The following SIK3 variants were observed in gnomAD, a reference collection of about 807,000 sequenced individuals.
The protein encoded by SIK3 is serine/threonine-protein kinase SIK3.
SIK3 carries 28 observed loss-of-function variants against 144.2 expected under a neutral mutation model. The ratio of observed to expected loss-of-function variants is 0.19; its 90% CI spans 0.14 to 0.27. SIK3 has a LOEUF of 0.27. SIK3 is among the 10% of genes least tolerant of loss of function. SIK3 has a pLI of 1.00. For missense variants in SIK3, 1,319 were observed against 1,776.0 expected (o/e 0.74, Z 4.62); for synonymous variants, 686 against 676.3 (o/e 1.01, Z -0.22).
Position 116,897,327 on chromosome 11 carries a change from C to T in SIK3, c.617-10G>A. The T allele has an allele frequency of 6.2e-7, 1 of 1,611,790 alleles. No homozygotes were observed. Among genetic ancestry groups the T allele is most frequent in the Non-Finnish European group, 8.5e-7 (1 of 1,178,716 alleles). ...TTACTGAAACCAAAATCTAGAAAGGCAAATGGACATAATTCGTATTATTGT... is the reference window on the plus strand; with the variant it reads ...TTACTGAAACCAAAATCTAGAAAGGTAAATGGACATAATTCGTATTATTGT... On this transcript the variant is annotated splice_polypyrimidine_tract_variant and intron_variant, in intron 4 of 24. Transcript: ENST00000445177.
At position 116,927,951 on chromosome 11, in the gene SIK3, T is replaced by TG. The variant is rs540483095; in HGVS notation, c.455-572dup. Reference sequence around the variant, plus strand: ...CTTACTCGGTAACTGTTCTCTGGAGTGCATAGCGATATACCTACATCTTTA... The same window carrying TG: ...CTTACTCGGTAACTGTTCTCTGGAGTGGCATAGCGATATACCTACATCTTTA... On this transcript the variant is annotated intron_variant, in intron 3 of 24. Transcript: ENST00000445177. Among the ~76,000 whole-genome samples, 21 of 152,344 alleles carry TG rather than the reference T, an allele frequency of 1.4e-4. No homozygotes were observed. In the East Asian group the frequency reaches 3.7e-3, roughly 27 times the overall value.
chr11:116,847,946 A>G (rs1942117008), intron 22 of SIK3, among the ~76,000 whole-genome samples: 1 of 152,032 alleles, frequency 6.6e-6, no homozygotes. Context: ...GTCCAGTCAC[A>G]CTCTGCAGTG....
intron 1 of SIK3, among the ~76,000 whole-genome samples, chr11:116,979,118 A>ATGAC (rs746755703): frequency 9.8e-5 from 15 of 152,308 alleles, no homozygotes; most frequent in East Asian, 5.8e-4. Flanking sequence ...ACCTAACAGT[A>ATGAC]TGACTGCTCC....
At chr11:117,077,942 G>A (rs1954622049) in intron 1 of SIK3, among the ~76,000 whole-genome samples, 1 of 152,210 alleles carries the variant, frequency 6.6e-6, no homozygotes, top group African/African-American at 2.4e-5. Flanking sequence ...TCCACGGTTA[G>A]GCTTTTTCAG....
chr11:116,957,847 A>G (rs184325213), intron 1 of SIK3, among the ~76,000 whole-genome samples: 93 of 152,348 alleles, frequency 6.1e-4, no homozygotes, highest in African/African-American at 2.1e-3. Flanking sequence ...TAAGAATGTT[A>G]TAAGAATCTG....
intron 4 of SIK3, among the ~76,000 whole-genome samples, chr11:116,901,881 T>G (rs1326843743): frequency 1.3e-5 from 2 of 152,176 alleles, no homozygotes; most frequent in African/African-American, 4.8e-5. Flanking sequence ...CTATTAAGAT[T>G]TTTTTCTTAG....
chr11:117,087,269 C>T (rs1448779344), intron 1 of SIK3, among the ~76,000 whole-genome samples: 1 of 151,800 alleles, frequency 6.6e-6, no homozygotes, highest in Non-Finnish European at 1.5e-5. Flanking sequence ...CATGGTGAAA[C>T]CCATCTCTAC....
At chr11:117,063,848 G>A (rs917885716) in intron 1 of SIK3, among the ~76,000 whole-genome samples, 1 of 151,944 alleles carries the variant, frequency 6.6e-6, no homozygotes, top group Non-Finnish European at 1.5e-5. Flanking sequence ...TTACAGGCAT[G>A]AGCCACCACG....
rs548891642 is a variant in SIK3, at chr11:116,947,937, CT to C, written c.454+6106del. ...AATTTGTCCATTTCATCTAAGCTGA[CT>C]TTTTTTTTTTTTTTGAGACAGGGTC... On this transcript the variant is annotated intron_variant, in intron 3 of 24. Coordinates refer to ENST00000445177, the MANE Select transcript of SIK3 (RefSeq NM_001366686.3). 8.2e-3 allele frequency among the ~76,000 whole-genome samples: 1,093 copies of C among 133,652 alleles called. 3 individuals are homozygous for C. Among genetic ancestry groups the C allele is most frequent in the African/African-American group, 0.018 (673 of 36,438 alleles). The allele number at this position is 133,652 out of a possible 152,430, so 87.7% of individuals were successfully genotyped here.
At chr11:116,915,355 T>C (rs1946577973) in intron 4 of SIK3, among the ~76,000 whole-genome samples, 1 of 152,164 alleles carries the variant, frequency 6.6e-6, no homozygotes. Context: ...ACAAAACAGA[T>C]GAATACTTTT....
chr11:117,044,928 C>T (rs558601533), intron 1 of SIK3, among the ~76,000 whole-genome samples: 14 of 152,190 alleles, frequency 9.2e-5, no homozygotes, highest in African/African-American at 3.4e-4. Flanking sequence ...GATACTAAGG[C>T]TAATAAATAA....
Position 117,019,021 on chromosome 11 carries a change from C to CG in SIK3, c.274-61958_274-61957insC, listed in dbSNP as rs1555129459. Among the ~76,000 whole-genome samples, 8 of 148,434 alleles carry CG rather than the reference C, an allele frequency of 5.4e-5. No homozygotes were observed. The Admixed American group carries it at 5.4e-4, about 10-fold the overall frequency. The stretch of plus-strand genomic sequence containing the variant: ...CCACTGCACCTGGCTTTTATTGTAA[C>CG]TTTTTTTTTTCCCTTAGAGACAGAG... On this transcript the variant is annotated intron_variant, in intron 1 of 24. Transcript: ENST00000445177.
Position 116,858,068 on chromosome 11 carries a change from G to C in SIK3, c.3397C>G (p.His1133Asp). 1 of 1,613,814 alleles carries C rather than the reference G, an allele frequency of 6.2e-7. No homozygotes were observed. The highest frequency in any genetic ancestry group is 8.5e-7 in the Non-Finnish European group (1 of 1,179,802). Residue 1133 changes from histidine (H) to aspartate (D), a missense_variant, in exon 21 of 25, where the codon CAC (histidine) becomes GAC (aspartate). Transcript: ENST00000445177. The surrounding 1 kb of genome is among the most constrained non-coding windows in gnomAD (Gnocchi z 5.4). ...SSPTPPHGYA[H>D]QPALMHSESM... is the part of the protein sequence containing the mutation. ...TCTGAATGCATCAGTGCCGGCTGGTGAGCATACCCGTGGGGCGGGGTGGGT... is the reference window on the plus strand; with the variant it reads ...TCTGAATGCATCAGTGCCGGCTGGTCAGCATACCCGTGGGGCGGGGTGGGT...
At position 117,057,546 on chromosome 11, in the gene SIK3, C is replaced by T. The variant is rs56164805; in HGVS notation, c.273+40597G>A. ...TCACAGACTACTCCATGCCAGGCTCCGTCCTAGGCCATGGAAATTAACCAG... is the reference window on the plus strand; with the variant it reads ...TCACAGACTACTCCATGCCAGGCTCTGTCCTAGGCCATGGAAATTAACCAG... On this transcript the variant is annotated intron_variant, in intron 1 of 24. Transcript: ENST00000445177. Among the ~76,000 whole-genome samples, 354 of 152,274 alleles carry T rather than the reference C, an allele frequency of 2.3e-3. 3 individuals carry two copies. The highest frequency in any genetic ancestry group is 7.3e-3 in the African/African-American group (303 of 41,552).
chr11:116,847,013 A>C (rs914345931), intron 23 of SIK3, among the ~76,000 whole-genome samples: 5 of 152,028 alleles, frequency 3.3e-5, no homozygotes, highest in African/African-American at 1.2e-4. Context: ...CGTTTTTGCC[A>C]CTTTACAGAT....
rs149389592 is a variant in SIK3 at position 117,013,897 on chromosome 11, TGAGGGGGGGGGGGG to T, written c.274-56847_274-56834del. Among the ~76,000 whole-genome samples the T allele has an allele frequency of 9.4e-3, 322 of 34,092 alleles. 38 individuals are homozygous for T. The Middle Eastern group carries it at 0.16, about 17-fold the overall frequency. 22.4% of individuals were successfully genotyped at this position (34,092 alleles called of 152,430 possible). A position where few individuals can be genotyped will look rare whatever the true frequency, so the allele number is the denominator to read the frequency against. On this transcript the variant is annotated intron_variant, in intron 1 of 24. Transcript: ENST00000445177. ...GACATGGATATAAGTCTCCAGATTC[TGAGGGGGGGGGGGG>T]GAGGGTGTGTGTGTGTGTGTGTGTG...
intron 13 of SIK3, among the ~76,000 whole-genome samples, chr11:116,871,341 A>G (rs560839565): frequency 6.6e-5 from 10 of 152,352 alleles, no homozygotes; most frequent in African/African-American, 2.4e-4. Context: ...GAAAGCTCCC[A>G]GGGTTCCTGG....
At position 116,946,724 on chromosome 11, in the gene SIK3, T is replaced by C. The variant is rs1948609819; in HGVS notation, c.454+7320A>G. On this transcript the variant is annotated intron_variant, in intron 3 of 24. Transcript: ENST00000445177. ...ACCTTGCTTCCTGTACAAACTACTG[T>C]CTTCTCCCTTCTTTCCTTCAGAGCA... Among the ~76,000 whole-genome samples the C allele has an allele frequency of 2.6e-5, 4 of 152,202 alleles. 1 individual carries two copies.
intron 21 of SIK3, among the ~76,000 whole-genome samples, chr11:116,851,939 C>T (rs190907906): frequency 4.3e-4 from 65 of 152,236 alleles, no homozygotes; most frequent in Non-Finnish European, 8.7e-4. Flanking sequence ...ATATTGTCTT[C>T]TTTGATAACT....
Sources: allele counts gnomAD v4.1 joint callset (sites outside exome capture counted in the v4.1 genomes callset), GRCh38; gene constraint gnomAD v4.1.1; non-coding constraint Gnocchi (gnomAD v3.1); transcripts MANE v1.5; gene names NCBI Gene and HGNC (gene_info 2026-07-23, HGNC 2026-07-21).